The following KATNAL1 variants were observed in gnomAD, a reference collection of about 807,000 sequenced individuals.
KATNAL1 encodes the protein katanin catalytic subunit A1 like 1.
In KATNAL1, 32 loss-of-function variants were observed where a neutral mutation model predicts 55.2. The observed-to-expected ratio is 0.58, with a 90% CI of 0.44 to 0.78. KATNAL1 has a LOEUF of 0.78. Ranked by LOEUF, KATNAL1 falls within the 30% of genes least tolerant of loss-of-function variation. The pLI is 0.00. For missense variants in KATNAL1, 466 were observed against 600.9 expected (o/e 0.78, Z 2.35); for synonymous variants, 193 against 193.6 (o/e 1.00, Z 0.02).
chr13:30,291,270 T>C (rs1882115908), intron 1 of KATNAL1, among the ~76,000 whole-genome samples: 1 of 152,122 alleles, frequency 6.6e-6, no homozygotes, highest in Non-Finnish European at 1.5e-5. Flanking sequence ...TGTACAAAAA[T>C]CAATCTTATT....
At chr13:30,223,288 A>C (rs969593545) in intron 9 of KATNAL1, among the ~76,000 whole-genome samples, 2 of 150,746 alleles carry the variant, frequency 1.3e-5, no homozygotes, top group African/African-American at 4.9e-5. Flanking sequence ...TAAAAATACA[A>C]AAAATTAGCC....
intron 2 of KATNAL1, among the ~76,000 whole-genome samples, chr13:30,282,300 T>G (rs1030404632): frequency 5.3e-5 from 8 of 151,998 alleles, no homozygotes; most frequent in African/African-American, 1.9e-4. Context: ...GCAAAATGGG[T>G]CAAAACAACA....
chr13:30,275,797 T>C (rs942027574), intron 3 of KATNAL1, among the ~76,000 whole-genome samples: 8 of 152,122 alleles, frequency 5.3e-5, no homozygotes, highest in African/African-American at 1.9e-4. Context: ...TATATATATA[T>C]ATCAAATAAT....
intron 3 of KATNAL1, among the ~76,000 whole-genome samples, chr13:30,271,463 G>A (rs1453803144): frequency 1.3e-5 from 2 of 152,162 alleles, no homozygotes; most frequent in Non-Finnish European, 2.9e-5. Flanking sequence ...AGAAGGTGAA[G>A]GGGAAGAAGA....
At chr13:30,254,272 G>A (rs1173549311) in intron 4 of KATNAL1, among the ~76,000 whole-genome samples, 2 of 152,142 alleles carry the variant, frequency 1.3e-5, no homozygotes, top group Non-Finnish European at 2.9e-5. Context: ...TGTGGCTTTT[G>A]ATAATGGAGG....
At chr13:30,283,876 A>C in intron 1 of KATNAL1, 85 bp from the exon 2 acceptor site, 2 of 887,330 alleles carry the variant, frequency 2.3e-6, no homozygotes, top group Non-Finnish European at 3.2e-6. Flanking sequence ...GTTTAAAACT[A>C]CTTTTTTTTT....
intron 9 of KATNAL1, among the ~76,000 whole-genome samples, chr13:30,216,045 T>C (rs537803827): frequency 3.0e-4 from 45 of 152,230 alleles, no homozygotes; most frequent in African/African-American, 8.4e-4. Context: ...GTAACAAAAA[T>C]GAATGTGAGG....
chr13:30,228,636 G>A (rs945181688), intron 8 of KATNAL1, among the ~76,000 whole-genome samples: 2 of 152,144 alleles, frequency 1.3e-5, no homozygotes, highest in African/African-American at 4.8e-5. Flanking sequence ...AAGTTAACAT[G>A]GTAAACTCAC....
chr13:30,254,370 C>T (rs991622417), intron 4 of KATNAL1, among the ~76,000 whole-genome samples: 3 of 152,136 alleles, frequency 2.0e-5, no homozygotes, highest in Non-Finnish European at 2.9e-5. Flanking sequence ...TGTTTCATGG[C>T]ATAAAAGCTC....
At chr13:30,298,614 G>C (rs559713278) in intron 1 of KATNAL1, among the ~76,000 whole-genome samples, 14 of 152,090 alleles carry the variant, frequency 9.2e-5, no homozygotes, top group Admixed American at 2.6e-4. Flanking sequence ...AAGACATAGG[G>C]ACAAGAAATT....
Position 30,210,408 on chromosome 13 carries a change from A to G in KATNAL1, c.1182T>C (p.Leu394=). The change falls in exon 10 of 11, where the codon CTT becomes CTC. Residue 394 remains leucine (L), a synonymous_variant. Coordinates refer to ENST00000380615, the MANE Select transcript of KATNAL1 (RefSeq NM_032116.5). ...TATCAGGATCTAATTCGACCTCACG[A>G]AGGTTGATCTTCAGAAGCTCAGCTC... ...KGRAELLKIN[L]REVELDPDIQ... 2.5e-6 allele frequency: 4 copies of G among 1,605,842 alleles called. No individual in the cohort carries two copies. The South Asian group carries it at 4.5e-5, about 18-fold the overall frequency.
Position 30,231,365 on chromosome 13 carries a change from T to C in KATNAL1, c.834A>G (p.Thr278=), listed in dbSNP as rs1353434888. The stretch of plus-strand genomic sequence containing the variant: ...TCTCAGATTCACCTCTGTATTTAGA[T>C]GTCAGTGTAGAAGACGAAACGTTGA... ...TFFNVSSSTL[T]SKYRGESEKL... The change falls in exon 7 of 11, where the codon ACA becomes ACG. Residue 278 remains threonine, a synonymous_variant. Coordinates refer to ENST00000380615, the MANE Select transcript of KATNAL1 (RefSeq NM_032116.5). 1.2e-6 allele frequency: 2 copies of C among 1,609,646 alleles called. No individual in the cohort carries two copies. Among genetic ancestry groups the C allele is most frequent in the Admixed American group, 3.4e-5 (2 of 59,420 alleles).
intron 4 of KATNAL1, among the ~76,000 whole-genome samples, chr13:30,242,010 A>G (rs1282988015): frequency 6.6e-6 from 1 of 152,208 alleles, no homozygotes; most frequent in Non-Finnish European, 1.5e-5. Flanking sequence ...AATACTGACA[A>G]TATTAAAAGG....
At chr13:30,283,492 C>T (rs1881557983) in intron 2 of KATNAL1, 124 bp downstream of exon 2, 4 of 694,064 alleles carry the variant, frequency 5.8e-6, no homozygotes, top group Admixed American at 2.7e-5. Flanking sequence ...AAATGTATTT[C>T]AGTATTGAGA....
At chr13:30,302,227 T>C (rs76248949) in intron 1 of KATNAL1, among the ~76,000 whole-genome samples, 2 of 152,188 alleles carry the variant, frequency 1.3e-5, no homozygotes, top group South Asian at 2.1e-4. Context: ...TACTCATCCA[T>C]TCATCATTCA....
At chr13:30,213,033 C>T (rs1391026574) in intron 9 of KATNAL1, among the ~76,000 whole-genome samples, 1 of 152,152 alleles carries the variant, frequency 6.6e-6, no homozygotes, top group Non-Finnish European at 1.5e-5. Context: ...CACCTATAGG[C>T]CAAGGAGAGA....
At chr13:30,219,724 G>A (rs1224900116) in intron 9 of KATNAL1, among the ~76,000 whole-genome samples, 1 of 152,158 alleles carries the variant, frequency 6.6e-6, no homozygotes, top group Non-Finnish European at 1.5e-5. Flanking sequence ...CAGGTTTCAT[G>A]ATCATAAGGT....
At chr13:30,261,568 T>C (rs1879288041) in intron 3 of KATNAL1, among the ~76,000 whole-genome samples, 1 of 152,090 alleles carries the variant, frequency 6.6e-6, no homozygotes, top group Admixed American at 6.5e-5. Flanking sequence ...GTTGCAATCC[T>C]AGTCTCTGAT....
At chr13:30,251,918 G>A (rs185598391) in intron 4 of KATNAL1, among the ~76,000 whole-genome samples, 3 of 152,246 alleles carry the variant, frequency 2.0e-5, no homozygotes, top group Admixed American at 1.3e-4. Flanking sequence ...TATGCAAAGT[G>A]ATTGTTACTT....
Sources: allele counts gnomAD v4.1 joint callset (sites outside exome capture counted in the v4.1 genomes callset), GRCh38; gene constraint gnomAD v4.1.1; transcripts MANE v1.5; gene names NCBI Gene and HGNC (gene_info 2026-07-23, HGNC 2026-07-21).